Variants in DPM3 observed in about 807,000 individuals in gnomAD.
DPM3 encodes the protein dolichyl-phosphate mannosyltransferase subunit 3, regulatory, also known as dolichol-phosphate mannosyltransferase subunit 3.
DPM3 carries 7 observed loss-of-function variants against 8.9 expected under a neutral mutation model. That is an observed-to-expected ratio of 0.79 (90% CI 0.45 to 1.48). The LOEUF (loss-of-function observed/expected upper bound fraction) is 1.48, where lower values mean the gene tolerates loss of function less well. Ranked by LOEUF, DPM3 falls within the 40% of genes most tolerant of loss-of-function variation. The pLI is 0.01. For synonymous variants in DPM3, 41 were observed against 56.3 expected, an observed-to-expected ratio of 0.73 and a Z score of 1.22; for missense variants, 108 against 116.2, an observed-to-expected ratio of 0.93 and a Z score of 0.33.
rs200477845 is a variant in DPM3 at position 155,139,952 on chromosome 1, G to A, written c.*10C>T. The stretch of plus-strand genomic sequence containing the variant: ...GGAAGGGCTGTCCGCACAGGAATGG[G>A]GTTAGGCTGTCAGAAGCGCAGCCCC... On this transcript the variant is annotated 3_prime_UTR_variant, in exon 2 of 2. Coordinates refer to ENST00000368400, the MANE Select transcript of DPM3 (RefSeq NM_153741.2). 2.5e-6 allele frequency: 4 copies of A among 1,606,966 alleles called. No individual in the cohort carries two copies. The African/African-American group carries it at 5.3e-5, about 21-fold the overall frequency.
Sources: allele counts gnomAD v4.1 joint callset, GRCh38; gene constraint gnomAD v4.1.1; transcripts MANE v1.5; gene names NCBI Gene and HGNC (gene_info 2026-07-23, HGNC 2026-07-21).